CEACAM1: variants seen among roughly 807,000 people sequenced by gnomAD.
CEACAM1 encodes CEA cell adhesion molecule 1.
CEACAM1 carries 31 observed loss-of-function variants against 49.1 expected under a neutral mutation model. The ratio of observed to expected loss-of-function variants is 0.63; its 90% CI spans 0.47 to 0.85. The LOEUF (loss-of-function observed/expected upper bound fraction) is 0.85. Among genes scored for constraint, CEACAM1 ranks in the 40% least tolerant of loss-of-function variants. The probability of loss-of-function intolerance (pLI) is 0.00; values close to 1 mark genes in which losing one functional copy is unlikely to be tolerated. For synonymous variants in CEACAM1, 244 were observed against 247.8 expected (o/e 0.98, Z 0.14); for missense variants, 570 against 645.3 (o/e 0.88, Z 1.26).
Position 42,509,208 on chromosome 19 carries a change from A to G in CEACAM1, c.1482T>C (p.Ser494=). 1 of 1,612,044 alleles carries G rather than the reference A, an allele frequency of 6.2e-7. No individual in the cohort carries two copies. Among genetic ancestry groups the G allele is most frequent in the Non-Finnish European group, 8.5e-7 (1 of 1,179,048 alleles). ...PPNKMNEVTY[S]TLNFEAQQPT... The stretch of plus-strand genomic sequence containing the variant: ...GTTGCTGGGCTTCAAAGTTCAGGGT[A>G]GAATAAGTAACTTCATTCATCTGAA... Residue 494 remains serine, a synonymous_variant, in exon 9 of 9, where the codon TCT becomes TCC. Transcript: ENST00000161559.
chr19:42,521,463 G>T lies in CEACAM1; in HGVS notation c.762C>A (p.Asn254Lys), dbSNP rs1341603436. 3 of 1,614,228 alleles carry T rather than the reference G, an allele frequency of 1.9e-6. No homozygotes were observed. In the Admixed American group the frequency reaches 5.0e-5, roughly 27 times the overall value. ...AGGCTGCATAGCAGGAGAGGCTGAG[G>T]TTTGCCCCTGGACGGTAATAGGTGT... ...PSDTYYRPGA[N>K]LSLSCYAASN... Residue 254 changes from asparagine (N) to lysine (K), a missense_variant, in exon 4 of 9, where the codon AAC becomes AAA. By Grantham distance (94) the Asn-to-Lys change is moderately conservative. Transcript: ENST00000161559.
chr19:42,522,847 T>C (rs903112884), intron 2 of CEACAM1, among the ~76,000 whole-genome samples: 1 of 152,136 alleles, frequency 6.6e-6, no homozygotes, highest in Non-Finnish European at 1.5e-5. Flanking sequence ...CATTTTTCAA[T>C]CAGAGTTGGC....
chr19:42,516,688 A>G (rs900247325), intron 5 of CEACAM1: 1 of 195,874 alleles, frequency 5.1e-6, no homozygotes, highest in African/African-American at 2.4e-5. Flanking sequence ...ATGGATAGCC[A>G]AAGCAATCTT....
intron 5 of CEACAM1, among the ~76,000 whole-genome samples, chr19:42,516,398 T>A (rs1159331239): frequency 6.6e-6 from 1 of 152,104 alleles, no homozygotes; most frequent in African/African-American, 2.4e-5. Context: ...AAGAAAAAAA[T>A]TCTATTTATA....
rs1254454754 is a variant in CEACAM1, at chr19:42,528,301, C to T, written c.64+10G>A. ...TCTTTCCGCCCCTTCCCAGGGTGTC[C>T]TCCCCTCACCTGTGAGCAGAAGCCC... is the stretch of plus-strand genomic sequence containing the variant. On this transcript the variant is annotated intron_variant, in intron 1 of 8. Transcript: ENST00000161559. The T allele has an allele frequency of 2.4e-5, 38 of 1,612,054 alleles. No individual in the cohort carries two copies. The highest frequency in any genetic ancestry group is 5.0e-5 in the Admixed American group (3 of 59,766).
chr19:42,510,991 GA>G, intron 7 of CEACAM1, 71 bp from the exon 8 acceptor site: 1 of 1,433,576 alleles, frequency 7.0e-7, no homozygotes, highest in Non-Finnish European at 9.8e-7. Flanking sequence ...CTAGCTGAAG[GA>G]GGTGGCAGTT....
Position 42,519,054 on chromosome 19 carries a change from G to A in CEACAM1, c.1140C>T (p.Thr380=). ...ERMKLSQGNT[T]LSINPVKRED... is the part of the protein sequence containing the mutation. ...CCCTCTTGACAGGGTTTATGCTGAG[G>A]GTGGTGTTGCCCTGGGACAGCTTCA... Residue 380 remains threonine, a synonymous_variant, in exon 5 of 9, where the codon ACC becomes ACT. Coordinates refer to ENST00000161559, the MANE Select transcript of CEACAM1 (RefSeq NM_001712.5). 6.2e-7 allele frequency: 1 copy of A among 1,614,160 alleles called. No individual in the cohort carries two copies. The highest frequency in any genetic ancestry group is 8.5e-7 in the Non-Finnish European group (1 of 1,180,024).
At chr19:42,515,982 A>G (rs192972179) in intron 5 of CEACAM1, among the ~76,000 whole-genome samples, 5 of 152,330 alleles carry the variant, frequency 3.3e-5, no homozygotes, top group Admixed American at 2.0e-4. Flanking sequence ...AAAATTCAAC[A>G]TTCTTTCATG....
At chr19:42,522,888 C>T (rs899706339) in intron 2 of CEACAM1, among the ~76,000 whole-genome samples, 3 of 152,216 alleles carry the variant, frequency 2.0e-5, no homozygotes, top group Non-Finnish European at 4.4e-5. Flanking sequence ...ACCCAAGTCC[C>T]TAAAAGCCCA....
Position 42,521,419 on chromosome 19 carries a change from T to C in CEACAM1, c.806A>G (p.Tyr269Cys), listed in dbSNP as rs751178602. The C allele has an allele frequency of 6.2e-7, 1 of 1,613,972 alleles. No homozygotes were observed. The highest frequency in any genetic ancestry group is 8.5e-7 in the Non-Finnish European group (1 of 1,179,992). The change falls in exon 4 of 9, where the codon TAC becomes TGC. Residue 269 changes from tyrosine (Y) to cysteine (C), a missense_variant. Coordinates refer to ENST00000161559, the MANE Select transcript of CEACAM1 (RefSeq NM_001712.5). ...GAATGTTCCATTGATAAGCCAGGAG[T>C]ACTGTGCAGGTGGGTTAGAGGCTGC... ...CYAASNPPAQ[Y>C]SWLINGTFQQ...
intron 8 of CEACAM1, among the ~76,000 whole-genome samples, chr19:42,510,668 TAAGA>T (rs2041435184): frequency 6.6e-6 from 1 of 152,262 alleles, no homozygotes; most frequent in African/African-American, 2.4e-5. Flanking sequence ...ACAGAGCTAC[TAAGA>T]GTCACATCCA....
intron 5 of CEACAM1, 68 bp from the exon 6 acceptor site, chr19:42,512,547 A>G (rs2041485443): frequency 4.8e-6 from 7 of 1,462,866 alleles, no homozygotes; most frequent in Non-Finnish European, 5.7e-6. Flanking sequence ...CTGGGAAACA[A>G]CTCTCAGAAT....
intron 5 of CEACAM1, among the ~76,000 whole-genome samples, chr19:42,513,958 CTTTT>C (rs869304469): frequency 3.5e-5 from 3 of 86,870 alleles, no homozygotes; most frequent in Admixed American, 1.3e-4. Flanking sequence ...TCTTCTTCTT[CTTTT>C]TTTTTTTTTT....
At chr19:42,523,506 G>A (rs1397150593) in intron 2 of CEACAM1, among the ~76,000 whole-genome samples, 2 of 152,212 alleles carry the variant, frequency 1.3e-5, no homozygotes, top group Non-Finnish European at 2.9e-5. Context: ...GCATATCTAC[G>A]TTCCTTGTCT....
rs578136663 is a variant in CEACAM1 at position 42,521,019 on chromosome 19, G to A, written c.958+248C>T. On this transcript the variant is annotated intron_variant, in intron 4 of 8. Transcript: ENST00000161559. ...CTCTGTGAAGCCCCTCCTGCTACACGGGGCTTTCTGGGGCTGAGAGAACCC... is the reference window on the plus strand; with the variant it reads ...CTCTGTGAAGCCCCTCCTGCTACACAGGGCTTTCTGGGGCTGAGAGAACCC... The A allele has an allele frequency of 1.2e-4, 61 of 496,134 alleles. 1 individual carries two copies. The highest frequency in any genetic ancestry group is 1.9e-4 in the Non-Finnish European group (53 of 277,424). 30.7% of individuals were successfully genotyped at this position (496,134 alleles called of 1,614,324 possible). A position where few individuals can be genotyped will look rare whatever the true frequency, so the allele number is the denominator to read the frequency against.
At chr19:42,512,087 C>T (rs1156987018) in intron 6 of CEACAM1, among the ~76,000 whole-genome samples, 1 of 152,066 alleles carries the variant, frequency 6.6e-6, no homozygotes, top group African/African-American at 2.4e-5. Context: ...CCTTGCTTTC[C>T]CTGACTAGGG....
intron 5 of CEACAM1, among the ~76,000 whole-genome samples, chr19:42,513,893 C>CATAT (rs144403954): frequency 0.064 from 6,684 of 104,728 alleles, 308 homozygotes; most frequent in African/African-American, 0.1. Context: ...CTTCTCCCTC[C>CATAT]ATATATATAT....
Position 42,511,714 on chromosome 19 carries a change from A to G in CEACAM1, c.1377-86T>C. On this transcript the variant is annotated intron_variant, in intron 6 of 8. Coordinates refer to ENST00000161559, the MANE Select transcript of CEACAM1 (RefSeq NM_001712.5). Reference sequence around the variant, plus strand: ...TTAGGAAGGACACTGTGAGCAGGTAATTCCTTAGAGTCCTTGATGTTCATA... The same window carrying G: ...TTAGGAAGGACACTGTGAGCAGGTAGTTCCTTAGAGTCCTTGATGTTCATA... 6 of 1,304,490 alleles carry G rather than the reference A, an allele frequency of 4.6e-6. 1 individual carries two copies. The South Asian group carries it at 4.8e-5, about 10-fold the overall frequency. The allele number at this position is 1,304,490 out of a possible 1,614,324, so 80.8% of individuals were successfully genotyped here. A position where few individuals can be genotyped will look rare whatever the true frequency, so the allele number is the denominator to read the frequency against.
intron 1 of CEACAM1, among the ~76,000 whole-genome samples, 175 bp downstream of exon 1, chr19:42,528,136 A>G (rs919461849): frequency 2.0e-5 from 3 of 152,228 alleles, no homozygotes; most frequent in African/African-American, 4.8e-5. Flanking sequence ...ATTCACTAAC[A>G]GTTTCAGATC....
Sources: gnomAD v4.1 joint callset for allele counts (sites outside exome capture counted in the v4.1 genomes callset) on GRCh38, gnomAD v4.1.1 for gene constraint, MANE v1.5 for transcripts, NCBI Gene and HGNC (gene_info 2026-07-23, HGNC 2026-07-21) for gene names.